MARCHF10: variants seen among roughly 807,000 people sequenced by gnomAD.
The protein encoded by MARCHF10 is probable E3 ubiquitin-protein ligase MARCHF10.
A neutral mutation model predicts 76.2 loss-of-function variants in MARCHF10; 64 were observed. The observed-to-expected ratio is 0.84, with a 90% CI of 0.69 to 1.03. The LOEUF (loss-of-function observed/expected upper bound fraction) is 1.03, where lower values mean the gene tolerates loss of function less well. Among genes scored for constraint, MARCHF10 ranks in the 50% least tolerant of loss-of-function variants. The probability of loss-of-function intolerance (pLI) is 0.00; values close to 1 mark genes in which losing one functional copy is unlikely to be tolerated. For synonymous variants in MARCHF10, 340 were observed against 357.5 expected (o/e 0.95, Z 0.55); for missense variants, 875 against 958.0 (o/e 0.91, Z 1.14).
chr17:62,752,648 T>C (rs2147910845), intron 4 of MARCHF10, among the ~76,000 whole-genome samples: 1 of 152,076 alleles, frequency 6.6e-6, no homozygotes, highest in East Asian at 1.9e-4. Context: ...TTTTTTTTTT[T>C]TAATAGAGAT....
chr17:62,712,076 T>G lies in MARCHF10; in HGVS notation c.2215-732A>C, dbSNP rs1248562143. Among the ~76,000 whole-genome samples the G allele has an allele frequency of 6.6e-6, 1 of 152,210 alleles. No homozygotes were observed. ...TGGGCTTTGCTGCCAAGAGTGGCTG[T>G]GCTCACTCTAGACCTTTCACAGACC... On this transcript the variant is annotated intron_variant, in intron 8 of 10. Transcript: ENST00000311269. This position sits in a 1 kb window ranked among gnomAD's most constrained non-coding sequence, Gnocchi z 4.2.
At position 62,807,723 on chromosome 17, in the gene MARCHF10, G is replaced by A. The variant is rs544448514; in HGVS notation, c.-18+354C>T. Among the ~76,000 whole-genome samples, 3 of 152,086 alleles carry A rather than the reference G, an allele frequency of 2.0e-5. No individual in the cohort carries two copies. The South Asian group carries it at 6.2e-4, about 32-fold the overall frequency. ...GGCTGCAGTGAGCCCTGACTGCACC[G>A]CTGCACTCCAACCTGGGAGACAGAG... On this transcript the variant is annotated intron_variant, in intron 1 of 10. Coordinates refer to ENST00000311269, the MANE Select transcript of MARCHF10 (RefSeq NM_152598.4).
At chr17:62,747,402 C>T (rs1220960933) in intron 4 of MARCHF10, among the ~76,000 whole-genome samples, 1 of 152,204 alleles carries the variant, frequency 6.6e-6, no homozygotes, top group African/African-American at 2.4e-5. Context: ...ATCAAGTTCT[C>T]AGCAAACTAA....
chr17:62,722,051 G>A (rs956819516), intron 8 of MARCHF10, among the ~76,000 whole-genome samples: 5 of 152,098 alleles, frequency 3.3e-5, no homozygotes, highest in Non-Finnish European at 5.9e-5. Context: ...GGGAGGTGGA[G>A]GCAGACAGAT....
chr17:62,802,467 G>A (rs1283198943), intron 1 of MARCHF10, among the ~76,000 whole-genome samples: 11 of 152,078 alleles, frequency 7.2e-5, no homozygotes, highest in African/African-American at 2.4e-4. Context: ...TGATTCACTC[G>A]CCTCAGCCTC....
intron 4 of MARCHF10, among the ~76,000 whole-genome samples, chr17:62,752,804 C>A (rs995404754): frequency 6.6e-6 from 1 of 152,022 alleles, no homozygotes; most frequent in Non-Finnish European, 1.5e-5. Context: ...CCCGCTCAAG[C>A]CCTTCTCATT....
chr17:62,750,697 T>C (rs1299033787), intron 4 of MARCHF10, among the ~76,000 whole-genome samples: 1 of 152,172 alleles, frequency 6.6e-6, no homozygotes, highest in African/African-American at 2.4e-5. Flanking sequence ...GATCTCAGCG[T>C]CACTGCGGAG....
At chr17:62,800,464 G>A (rs552959560) in intron 2 of MARCHF10, among the ~76,000 whole-genome samples, 3 of 152,240 alleles carry the variant, frequency 2.0e-5, no homozygotes, top group East Asian at 1.9e-4. Flanking sequence ...CTTCTTATAC[G>A]TGGGTTGGCA....
At chr17:62,788,699 T>A in intron 2 of MARCHF10, 100 bp from the exon 3 acceptor site, 2 of 1,461,614 alleles carry the variant, frequency 1.4e-6, no homozygotes, top group Non-Finnish European at 1.9e-6. Context: ...ATAAATGATA[T>A]GCATCTCCAG....
intron 10 of MARCHF10, chr17:62,705,137 A>G: frequency 8.7e-7 from 1 of 1,149,406 alleles, no homozygotes; most frequent in Non-Finnish European, 1.1e-6. Context: ...CCTTCAGGTA[A>G]GGGCCAGACA....
intron 2 of MARCHF10, chr17:62,795,174 A>G: frequency 3.3e-6 from 1 of 299,138 alleles, no homozygotes; most frequent in Non-Finnish European, 4.9e-6. Context: ...GTATATTGAG[A>G]TATTTAGTTG....
At chr17:62,774,946 C>T (rs756496415) in intron 3 of MARCHF10, among the ~76,000 whole-genome samples, 6 of 151,700 alleles carry the variant, frequency 4.0e-5, no homozygotes, top group Non-Finnish European at 7.4e-5. Context: ...CCCAGCTACT[C>T]GGGAGCCTGA....
chr17:62,764,585 C>T (rs541477724), intron 3 of MARCHF10, among the ~76,000 whole-genome samples: 1 of 146,928 alleles, frequency 6.8e-6, no homozygotes, highest in Non-Finnish European at 1.5e-5. Flanking sequence ...ATGGGAAGGT[C>T]GATCAAGGGA....
Position 62,736,111 on chromosome 17 carries a change from T to G in MARCHF10, c.1757A>C (p.Glu586Ala). Residue 586 changes from glutamate (E) to alanine (A), a missense_variant, in exon 6 of 11, where the codon GAA becomes GCA. Glu to Ala is a moderately radical substitution (Grantham distance 107). Coordinates refer to ENST00000311269, the MANE Select transcript of MARCHF10 (RefSeq NM_152598.4). Reference protein sequence around the residue: ...SSSSPSRMNSEGHLHVSGSLQ... With the variant: ...SSSSPSRMNSAGHLHVSGSLQ... Reference sequence around the variant, plus strand: ...AGACCCAGACACATGCAAATGGCCTTCTGAGTTCATTCTTGATGGAGAGGA... The same window carrying G: ...AGACCCAGACACATGCAAATGGCCTGCTGAGTTCATTCTTGATGGAGAGGA... The G allele has an allele frequency of 1.2e-6, 2 of 1,614,170 alleles. No individual in the cohort carries two copies. The highest frequency in any genetic ancestry group is 1.7e-6 in the Non-Finnish European group (2 of 1,180,022).
chr17:62,798,250 G>A (rs1157575075), intron 2 of MARCHF10, among the ~76,000 whole-genome samples: 2 of 151,972 alleles, frequency 1.3e-5, no homozygotes, highest in Non-Finnish European at 2.9e-5. Flanking sequence ...TGAGAGCCAG[G>A]GAGATGAAGA....
At chr17:62,774,413 C>G (rs1214806073) in intron 3 of MARCHF10, among the ~76,000 whole-genome samples, 1 of 151,982 alleles carries the variant, frequency 6.6e-6, no homozygotes, top group African/African-American at 2.4e-5. Flanking sequence ...CTAACAGTGG[C>G]AGGAATGACA....
intron 6 of MARCHF10, among the ~76,000 whole-genome samples, chr17:62,730,994 G>C (rs2091002410): frequency 6.6e-6 from 1 of 152,118 alleles, no homozygotes; most frequent in Non-Finnish European, 1.5e-5. Context: ...ATGAAATCTA[G>C]AACCATAAGA....
At chr17:62,715,937 A>G (rs2090170444) in intron 8 of MARCHF10, among the ~76,000 whole-genome samples, 1 of 152,148 alleles carries the variant, frequency 6.6e-6, no homozygotes, top group Non-Finnish European at 1.5e-5. Context: ...AAGGCCACCG[A>G]CAGTGCTGAC....
At chr17:62,777,517 G>A (rs1260661939) in intron 3 of MARCHF10, among the ~76,000 whole-genome samples, 1 of 152,022 alleles carries the variant, frequency 6.6e-6, no homozygotes, top group Non-Finnish European at 1.5e-5. Context: ...GAGCTCAGGA[G>A]TTTGAGACCA....
Sources: allele counts gnomAD v4.1 joint callset (sites outside exome capture counted in the v4.1 genomes callset), GRCh38; gene constraint gnomAD v4.1.1; non-coding constraint Gnocchi (gnomAD v3.1); transcripts MANE v1.5; gene names NCBI Gene and HGNC (gene_info 2026-07-23, HGNC 2026-07-21).